PCDHGB5: variants seen among roughly 807,000 people sequenced by gnomAD.
The protein encoded by PCDHGB5 is protocadherin gamma subfamily B, 5.
In PCDHGB5, 48 loss-of-function variants were observed where a neutral mutation model predicts 62.9. The ratio of observed to expected loss-of-function variants is 0.76; its 90% CI spans 0.61 to 0.97. The LOEUF (loss-of-function observed/expected upper bound fraction) is 0.97. PCDHGB5 is among the 50% of genes least tolerant of loss of function. The pLI is 0.00. For missense variants in PCDHGB5, 1,118 were observed against 1,198.6 expected, an observed-to-expected ratio of 0.93 and a Z score of 0.99; for synonymous variants, 474 against 511.2, an observed-to-expected ratio of 0.93 and a Z score of 0.98.
intron 2 of PCDHGB5, 117 bp downstream of exon 2, chr5:141,494,982 G>T: frequency 1.3e-6 from 2 of 1,563,940 alleles, no homozygotes; most frequent in Non-Finnish European, 1.7e-6. Flanking sequence ...CTCAGTTTGA[G>T]ATCCCAGGGA....
intron 1 of PCDHGB5, chr5:141,441,792 G>T: frequency 2.6e-6 from 1 of 389,292 alleles, no homozygotes; most frequent in Non-Finnish European, 5.1e-6. Context: ...GAATGACAAC[G>T]CACCGCGGGT....
chr5:141,510,847 A>C (rs1279701390), intron 3 of PCDHGB5, 100 bp from the exon 4 acceptor site: 1 of 1,595,232 alleles, frequency 6.3e-7, no homozygotes, highest in Non-Finnish European at 8.6e-7. Context: ...GTCAAGGCCC[A>C]GGGTGCTGTA....
chr5:141,431,049 T>C lies in PCDHGB5; in HGVS notation c.2397+30525T>C, dbSNP rs1226000576. On this transcript the variant is annotated intron_variant, in intron 1 of 3. Coordinates refer to ENST00000617380, the MANE Select transcript of PCDHGB5 (RefSeq NM_018925.3). The surrounding 1 kb of genome is among the most constrained non-coding windows in gnomAD (Gnocchi z 4.8). Reference sequence around the variant, plus strand: ...AGGATAGACCGGGAGGAGCTCTGTATGGGGGCCATCAAGTGTCAATTAAAT... The same window carrying C: ...AGGATAGACCGGGAGGAGCTCTGTACGGGGGCCATCAAGTGTCAATTAAAT... The C allele has an allele frequency of 6.2e-7, 1 of 1,614,162 alleles. No homozygotes were observed. Among genetic ancestry groups the C allele is most frequent in the Non-Finnish European group, 8.5e-7 (1 of 1,180,014 alleles).
At chr5:141,413,090 C>A in intron 1 of PCDHGB5, 2 of 1,391,312 alleles carry the variant, frequency 1.4e-6, no homozygotes, top group Non-Finnish European at 1.9e-6. Flanking sequence ...ACAGAGACAC[C>A]CTGAAGCCAC....
At position 141,398,858 on chromosome 5, in the gene PCDHGB5, G is replaced by C; in HGVS notation, c.731G>C (p.Arg244Pro). The C allele has an allele frequency of 1.2e-6, 2 of 1,613,986 alleles. No individual in the cohort carries two copies. The highest frequency in any genetic ancestry group is 1.7e-6 in the Non-Finnish European group (2 of 1,179,912). ...DANDNPPVFN[R>P]DVYRVSLREN... The stretch of plus-strand genomic sequence containing the variant: ...AATGATAATCCCCCGGTATTCAACC[G>C]AGACGTGTACAGAGTCAGCCTTCGG... Residue 244 changes from arginine to proline, a missense_variant, in exon 1 of 4, where the codon CGA becomes CCA. Arg to Pro is a moderately radical substitution (Grantham distance 103). This residue lies in a region of PCDHGB5 where 1,034 missense variants were observed against 1,029.1 expected (regional missense o/e 1.00). Transcript: ENST00000617380.
rs1287526689 is a variant in PCDHGB5 at position 141,399,348 on chromosome 5, C to G, written c.1221C>G (p.Asp407Glu). Residue 407 changes from aspartate to glutamate, a missense_variant, in exon 1 of 4, where the codon GAC (aspartate) becomes GAG (glutamate). By Grantham distance (45) the Asp-to-Glu change is conservative. Coordinates refer to ENST00000617380, the MANE Select transcript of PCDHGB5 (RefSeq NM_018925.3). ...AGTTGGTAACAGATGGAACCCTAGA[C>G]CGAGAGCAAACCCCGGAGTACAATG... ...SYKLVTDGTL[D>E]REQTPEYNVT... 1 of 1,613,940 alleles carries G rather than the reference C, an allele frequency of 6.2e-7. No homozygotes were observed. Among genetic ancestry groups the G allele is most frequent in the Non-Finnish European group, 8.5e-7 (1 of 1,179,902 alleles).
intron 1 of PCDHGB5, among the ~76,000 whole-genome samples, chr5:141,462,068 C>T (rs1006462521): frequency 6.6e-6 from 1 of 152,196 alleles, no homozygotes; most frequent in African/African-American, 2.4e-5. Context: ...GGTGATCTGC[C>T]CGCCTTGGCC....
intron 2 of PCDHGB5, among the ~76,000 whole-genome samples, chr5:141,496,054 G>A (rs180707408): frequency 6.6e-6 from 1 of 150,988 alleles, no homozygotes; most frequent in Admixed American, 6.6e-5. Context: ...TTTTGTGCTT[G>A]TGGGCAAGCC....
Position 141,431,359 on chromosome 5 carries a change from G to A in PCDHGB5, c.2397+30835G>A. 1 of 1,614,024 alleles carries A rather than the reference G, an allele frequency of 6.2e-7. No homozygotes were observed. The highest frequency in any genetic ancestry group is 8.5e-7 in the Non-Finnish European group (1 of 1,180,030). On this transcript the variant is annotated intron_variant, in intron 1 of 3. Transcript: ENST00000617380. This position sits in a 1 kb window ranked among gnomAD's most constrained non-coding sequence, Gnocchi z 4.8. ...CCGAATTGGTGCTGAAACGCGCCCTGGACCGCGAAGAAAAGGCTGCTCACC... is the reference window on the plus strand; with the variant it reads ...CCGAATTGGTGCTGAAACGCGCCCTAGACCGCGAAGAAAAGGCTGCTCACC...
rs138608867 is a variant in PCDHGB5 at position 141,477,655 on chromosome 5, T to C, written c.2398-17152T>C. 5.0e-3 allele frequency: 8,034 copies of C among 1,614,186 alleles called. 44 individuals carry two copies. The highest frequency in any genetic ancestry group is 9.4e-3 in the Admixed American group (567 of 60,020). On this transcript the variant is annotated intron_variant, in intron 1 of 3. Coordinates refer to ENST00000617380, the MANE Select transcript of PCDHGB5 (RefSeq NM_018925.3). The surrounding 1 kb of genome is among the most constrained non-coding windows in gnomAD (Gnocchi z 4.9). ...TAGTGGGTCGCTATTTCACAATAAA[T>C]CGTGACAATGGCATAGTGTCATCCT...
chr5:141,409,912 C>A (rs775668669), intron 1 of PCDHGB5: 2 of 1,613,180 alleles, frequency 1.2e-6, no homozygotes, highest in African/African-American at 2.7e-5. Flanking sequence ...TGGGTCCTGA[C>A]GGCTCCGCGT....
At chr5:141,457,412 C>A (rs2098919309) in intron 1 of PCDHGB5, among the ~76,000 whole-genome samples, 1 of 152,188 alleles carries the variant, frequency 6.6e-6, no homozygotes. Flanking sequence ...TCACATTACC[C>A]ATCCCTTTTT....
At chr5:141,428,034 T>A (rs768728101) in intron 1 of PCDHGB5, 8 of 1,607,778 alleles carry the variant, frequency 5.0e-6, no homozygotes, top group Middle Eastern at 1.7e-4. Context: ...AGAGTCCGGC[T>A]ACCTGGTGAC....
At chr5:141,422,292 T>C in intron 1 of PCDHGB5, 1 of 1,552,434 alleles carries the variant, frequency 6.4e-7, no homozygotes. Context: ...CTTCTATTAA[T>C]TCAATTCTGG....
Position 141,400,205 on chromosome 5 carries a change from C to CCACCACCA in PCDHGB5, c.2079_2080insACCACCAC (p.Leu694ThrfsTer4). 6.2e-7 allele frequency: 1 copy of CCACCACCA among 1,614,016 alleles called. No homozygotes were observed. Among genetic ancestry groups the CCACCACCA allele is most frequent in the South Asian group, 1.1e-5 (1 of 91,082 alleles). On this transcript the variant is annotated frameshift_variant, in exon 1 of 4. Coordinates refer to ENST00000617380, the MANE Select transcript of PCDHGB5 (RefSeq NM_018925.3). LOFTEE classifies it high-confidence loss of function. ...CAGTTTTACCTAGTGGTGGCCTTGG[C>CCACCACCA]CTTGATCTCAGTGCTCTTCCTCCTG...
In PCDHGB5 at chr5:141,485,178, T is replaced by A; in HGVS notation, c.2398-9629T>A. The stretch of plus-strand genomic sequence containing the variant: ...GAGAATTAGCGGGCGGCAGCAATGC[T>A]CCGCAAGGTGAGAAGCTGGACAGAA... On this transcript the variant is annotated intron_variant, in intron 1 of 3. Transcript: ENST00000617380. This position sits in a 1 kb window ranked among gnomAD's most constrained non-coding sequence, Gnocchi z 5.7. 1.2e-6 allele frequency: 2 copies of A among 1,612,400 alleles called. No homozygotes were observed. Among genetic ancestry groups the A allele is most frequent in the Non-Finnish European group, 1.7e-6 (2 of 1,178,628 alleles).
At chr5:141,494,937 G>A (rs759078748) in intron 2 of PCDHGB5, 72 bp downstream of exon 2, 130 of 1,612,276 alleles carry the variant, frequency 8.1e-5, no homozygotes, top group Non-Finnish European at 1.1e-4. Context: ...GAGGAGATGG[G>A]GGAGGGCCCA....
At position 141,445,006 on chromosome 5, in the gene PCDHGB5, G is replaced by A. The variant is rs550056654; in HGVS notation, c.2397+44482G>A. Among the ~76,000 whole-genome samples, 51 of 152,044 alleles carry A rather than the reference G, an allele frequency of 3.4e-4. 2 individuals are homozygous for A. The South Asian group carries it at 9.6e-3, about 28-fold the overall frequency. ...CATGGTATATATTTCCATTTAATTA[G>A]GTCTTTAATTTCTCTCAGCTATGTT... On this transcript the variant is annotated intron_variant, in intron 1 of 3. Transcript: ENST00000617380.
chr5:141,414,686 C>G, intron 1 of PCDHGB5: 4 of 1,614,042 alleles, frequency 2.5e-6, no homozygotes, highest in Non-Finnish European at 3.4e-6. Flanking sequence ...CAGGGGGTAC[C>G]TCTGTCCTCA....
Sources: gnomAD v4.1 joint callset for allele counts (sites outside exome capture counted in the v4.1 genomes callset) on GRCh38, gnomAD v4.1.1 for gene constraint, gnomAD v4.1.1 regional missense constraint, Gnocchi (gnomAD v3.1) non-coding constraint, MANE v1.5 for transcripts, NCBI Gene and HGNC (gene_info 2026-07-23, HGNC 2026-07-21) for gene names.